The following LRFN5 variants were observed in gnomAD, a reference collection of about 807,000 sequenced individuals.
LRFN5 encodes leucine rich repeat and fibronectin type III domain containing 5, also known as leucine-rich repeat and fibronectin type-III domain-containing protein 5.
In LRFN5, 24 loss-of-function variants were observed where a neutral mutation model predicts 45.6. That is an observed-to-expected ratio of 0.53 (90% CI 0.38 to 0.74). The LOEUF (loss-of-function observed/expected upper bound fraction) is 0.74. Among genes scored for constraint, LRFN5 ranks in the 30% least tolerant of loss-of-function variants. LRFN5 has a pLI of 0.00. For missense variants in LRFN5, 776 were observed against 861.5 expected (o/e 0.90, Z 1.24); for synonymous variants, 340 against 313.8 (o/e 1.08, Z -0.88).
intron 1 of LRFN5, among the ~76,000 whole-genome samples, chr14:41,760,986 A>G (rs1885638860): frequency 6.6e-6 from 1 of 152,152 alleles, no homozygotes; most frequent in Non-Finnish European, 1.5e-5. Context: ...TCCTCCTGAC[A>G]TGAACCTAAA....
intron 1 of LRFN5, among the ~76,000 whole-genome samples, chr14:41,674,028 A>G (rs67505447): frequency 0.61 from 85,227 of 140,490 alleles, 27,732 homozygotes; most frequent in East Asian, 0.98. Flanking sequence ...GCTGCCGGGC[A>G]GAGAGGCTCC....
At chr14:41,623,063 A>G (rs546444555) in intron 1 of LRFN5, among the ~76,000 whole-genome samples, 7 of 152,256 alleles carry the variant, frequency 4.6e-5, no homozygotes, top group African/African-American at 1.7e-4. Flanking sequence ...GATCTAGGTC[A>G]GTTTGAGAGC....
At chr14:41,638,185 A>AC (rs1161831178) in intron 1 of LRFN5, among the ~76,000 whole-genome samples, 1 of 151,962 alleles carries the variant, frequency 6.6e-6, no homozygotes. Flanking sequence ...AGACCTTGGG[A>AC]CCTCCAGGAT....
At chr14:41,792,346 TAAAC>T (rs1317249804) in intron 2 of LRFN5, among the ~76,000 whole-genome samples, 1 of 151,972 alleles carries the variant, frequency 6.6e-6, no homozygotes. Flanking sequence ...ATAAACATCT[TAAAC>T]AACAGAAAAC....
intron 1 of LRFN5, among the ~76,000 whole-genome samples, chr14:41,648,171 C>T (rs712407): frequency 1.3e-5 from 2 of 151,806 alleles, no homozygotes; most frequent in Non-Finnish European, 2.9e-5. Context: ...TATAATAATT[C>T]TTTTTACCAC....
intron 2 of LRFN5, among the ~76,000 whole-genome samples, chr14:41,825,577 C>T (rs532043069): frequency 1.3e-5 from 2 of 152,324 alleles, no homozygotes; most frequent in South Asian, 2.1e-4. Context: ...TTATGCAGCT[C>T]CCTTGGCTCT....
chr14:41,893,941 C>A, intron 4 of LRFN5: 1 of 985,126 alleles, frequency 1.0e-6, no homozygotes, highest in Non-Finnish European at 1.2e-6. Flanking sequence ...TCAAAAGCAG[C>A]ACTCAGAGTG....
At chr14:41,707,982 T>C (rs1264238028) in intron 1 of LRFN5, among the ~76,000 whole-genome samples, 1 of 152,102 alleles carries the variant, frequency 6.6e-6, no homozygotes, top group African/African-American at 2.4e-5. Flanking sequence ...TTATACATGT[T>C]AACTGTTTTG....
intron 2 of LRFN5, among the ~76,000 whole-genome samples, chr14:41,821,419 T>C (rs915155509): frequency 6.6e-6 from 1 of 152,056 alleles, no homozygotes; most frequent in African/African-American, 2.4e-5. Context: ...TTTTTAATTA[T>C]GTTTATGGGT....
chr14:41,639,269 A>G (rs749870900), intron 1 of LRFN5, among the ~76,000 whole-genome samples: 1 of 152,092 alleles, frequency 6.6e-6, no homozygotes, highest in Non-Finnish European at 1.5e-5. Context: ...GTTTGCCTTC[A>G]AAGGATGGAC....
At chr14:41,794,268 T>G (rs1887039480) in intron 2 of LRFN5, among the ~76,000 whole-genome samples, 2 of 152,184 alleles carry the variant, frequency 1.3e-5, no homozygotes, top group South Asian at 4.1e-4. Context: ...AATACTAAAC[T>G]GGTCATAATC....
chr14:41,613,150 G>T (rs930730109), intron 1 of LRFN5, among the ~76,000 whole-genome samples: 1 of 152,040 alleles, frequency 6.6e-6, no homozygotes. Flanking sequence ...AACTACATTT[G>T]TAATATTTCT....
At chr14:41,802,887 AAGGG>A (rs1297231911) in intron 2 of LRFN5, among the ~76,000 whole-genome samples, 1 of 152,176 alleles carries the variant, frequency 6.6e-6, no homozygotes, top group Non-Finnish European at 1.5e-5. Context: ...ACAGAAATGA[AAGGG>A]AATTGTATAT....
intron 2 of LRFN5, among the ~76,000 whole-genome samples, chr14:41,775,087 CTTTTTCTT>C (rs1856206892): frequency 1.6e-5 from 1 of 60,896 alleles, no homozygotes; most frequent in Admixed American, 2.0e-4. Flanking sequence ...GCTACTTTTT[CTTTTTCTT>C]TTTTTTTTTT....
chr14:41,668,030 C>G (rs1273724994), intron 1 of LRFN5, among the ~76,000 whole-genome samples: 1 of 152,100 alleles, frequency 6.6e-6, no homozygotes, highest in Non-Finnish European at 1.5e-5. Context: ...AAGGTCGAAC[C>G]TTGTGCTTCA....
chr14:41,899,065 A>C (rs956274876), intron 5 of LRFN5, 105 bp downstream of exon 5: 1 of 905,820 alleles, frequency 1.1e-6, no homozygotes, highest in African/African-American at 1.8e-5. Flanking sequence ...AGCTTGTTGA[A>C]ATTTTCTTTT....
chr14:41,779,449 C>A (rs527240280), intron 2 of LRFN5, among the ~76,000 whole-genome samples: 1 of 151,896 alleles, frequency 6.6e-6, no homozygotes, highest in South Asian at 2.1e-4. Context: ...CTTGTAATGT[C>A]TTTTATCTGT....
At chr14:41,788,118 G>A (rs1447930121) in intron 2 of LRFN5, among the ~76,000 whole-genome samples, 1 of 152,034 alleles carries the variant, frequency 6.6e-6, no homozygotes, top group African/African-American at 2.4e-5. Flanking sequence ...ATAAATTTAT[G>A]TTGTATAAGC....
intron 2 of LRFN5, among the ~76,000 whole-genome samples, chr14:41,851,491 G>A (rs1889265599): frequency 6.6e-6 from 1 of 151,794 alleles, no homozygotes; most frequent in South Asian, 2.1e-4. Context: ...TTATGTAAAA[G>A]TTCCCCAATA....
Sources: gnomAD v4.1 joint callset for allele counts (sites outside exome capture counted in the v4.1 genomes callset) on GRCh38, gnomAD v4.1.1 for gene constraint, MANE v1.5 for transcripts, NCBI Gene and HGNC (gene_info 2026-07-23, HGNC 2026-07-21) for gene names.